Variants in PRMT7 observed in about 807,000 individuals in gnomAD.
PRMT7 encodes protein arginine N-methyltransferase 7.
In PRMT7, 75 loss-of-function variants were observed where a neutral mutation model predicts 85.4. The ratio of observed to expected loss-of-function variants is 0.88; its 90% CI spans 0.73 to 1.06. The LOEUF (loss-of-function observed/expected upper bound fraction) is 1.06. Ranked by LOEUF, PRMT7 falls within the 50% of genes least tolerant of loss-of-function variation. The pLI, the probability that PRMT7 is intolerant of heterozygous loss-of-function variation, is 0.00. For missense variants in PRMT7, 868 were observed against 915.2 expected, an observed-to-expected ratio of 0.95 and a Z score of 0.67; for synonymous variants, 397 against 359.5, an observed-to-expected ratio of 1.10 and a Z score of -1.18.
intron 13 of PRMT7, 28 bp from the exon 14 acceptor site, chr16:68,348,314 A>C: frequency 1.3e-6 from 2 of 1,511,850 alleles, no homozygotes; most frequent in East Asian, 4.5e-5. Context: ...TAGTATGAAT[A>C]CAGTAATTTT....
chr16:68,330,985 T>C (rs2083805008), intron 6 of PRMT7, among the ~76,000 whole-genome samples: 1 of 152,218 alleles, frequency 6.6e-6, no homozygotes, highest in South Asian at 2.1e-4. Context: ...ATTAAATGAA[T>C]ATCCATTTTC....
intron 3 of PRMT7, among the ~76,000 whole-genome samples, chr16:68,320,940 C>G (rs997766357): frequency 6.6e-6 from 1 of 152,058 alleles, no homozygotes; most frequent in Non-Finnish European, 1.5e-5. Context: ...GCACTACAGC[C>G]TGGGTGACAT....
chr16:68,341,712 C>G (rs1455654056), intron 9 of PRMT7, among the ~76,000 whole-genome samples: 2 of 152,068 alleles, frequency 1.3e-5, no homozygotes, highest in Non-Finnish European at 2.9e-5. Flanking sequence ...CCGGCTCAGG[C>G]TAGGGTTTTT....
intron 6 of PRMT7, among the ~76,000 whole-genome samples, chr16:68,331,404 T>A (rs2083877037): frequency 6.6e-6 from 1 of 152,158 alleles, no homozygotes; most frequent in African/African-American, 2.4e-5. Flanking sequence ...GATCTTTTCT[T>A]TTGCAGCATC....
intron 14 of PRMT7, 105 bp downstream of exon 14, chr16:68,348,536 C>G: frequency 6.0e-6 from 5 of 829,402 alleles, no homozygotes; most frequent in Non-Finnish European, 9.4e-6. Flanking sequence ...CACAGTGGGT[C>G]CTCCACATGC....
chr16:68,352,189 TAAC>T, intron 14 of PRMT7, 56 bp from the exon 15 acceptor site: 2 of 1,549,158 alleles, frequency 1.3e-6, no homozygotes, highest in Non-Finnish European at 1.8e-6. Context: ...GTGTTCCTGT[TAAC>T]ACTCCTGGAC....
intron 4 of PRMT7, chr16:68,324,389 C>T (rs953189727): frequency 7.3e-6 from 3 of 409,272 alleles, no homozygotes; most frequent in African/African-American, 6.2e-5. Context: ...CTCTTGGTCC[C>T]CCTTTTGGCT....
At chr16:68,353,379 T>TG in intron 15 of PRMT7, 113 bp from the exon 16 acceptor site, 1 of 1,554,874 alleles carries the variant, frequency 6.4e-7, no homozygotes, top group Non-Finnish European at 8.6e-7. Context: ...CCTTCATACT[T>TG]GGGGGTCTCT....
At chr16:68,360,016 G>C (rs1490316687), downstream of PRMT7, 1 of 152,928 alleles carries the variant, frequency 6.5e-6, no homozygotes, top group Non-Finnish European at 1.5e-5. Context: ...TGAGGGCCAG[G>C]CTGCTCTCTG....
intron 6 of PRMT7, among the ~76,000 whole-genome samples, chr16:68,333,136 G>GC (rs1297248032): frequency 6.6e-6 from 1 of 151,896 alleles, no homozygotes; most frequent in African/African-American, 2.4e-5. Flanking sequence ...GGGACCACAG[G>GC]CAGGCGCCAC....
intron 2 of PRMT7, among the ~76,000 whole-genome samples, chr16:68,313,099 A>G (rs1432471800): frequency 1.3e-5 from 2 of 152,218 alleles, no homozygotes; most frequent in Non-Finnish European, 2.9e-5. Flanking sequence ...TGCTGGGATT[A>G]TAGGCGTGAG....
At chr16:68,353,862 CCTT>C (rs1223858711) in intron 16 of PRMT7, among the ~76,000 whole-genome samples, 1 of 152,318 alleles carries the variant, frequency 6.6e-6, no homozygotes, top group East Asian at 1.9e-4. Context: ...CATCTGGGAA[CCTT>C]CTTAGGCAGC....
In PRMT7 at chr16:68,329,914, G is replaced by A. The variant is rs574764399; in HGVS notation, c.391+740G>A. ...ACACACACACATATTTTTTTTTTGA[G>A]ACGGAATCTCACTGTGTCACCCAGG... On this transcript the variant is annotated intron_variant, in intron 6 of 18. Transcript: ENST00000441236. Among the ~76,000 whole-genome samples the A allele has an allele frequency of 3.1e-4, 44 of 140,738 alleles. 1 individual carries two copies. In the South Asian group the frequency reaches 9.5e-3, roughly 30 times the overall value. 92.3% of individuals were successfully genotyped at this position (140,738 alleles called of 152,430 possible). A position where few individuals can be genotyped will look rare whatever the true frequency, so the allele number is the denominator to read the frequency against.
chr16:68,331,083 A>AT (rs1477108935), intron 6 of PRMT7, among the ~76,000 whole-genome samples: 1 of 152,172 alleles, frequency 6.6e-6, no homozygotes, highest in Non-Finnish European at 1.5e-5. Context: ...GCCCAAAGAG[A>AT]TTCCTCATAA....
At chr16:68,354,214 C>T (rs1469151724) in intron 16 of PRMT7, 12 of 152,178 alleles carry the variant, frequency 7.9e-5, no homozygotes, top group African/African-American at 2.9e-4. Context: ...CCTGTCTCGA[C>T]AAAAAATAAC....
intron 18 of PRMT7, 24 bp from the exon 19 acceptor site, chr16:68,357,030 A>G: frequency 1.9e-6 from 3 of 1,584,996 alleles, no homozygotes; most frequent in Non-Finnish European, 2.6e-6. Flanking sequence ...AGCCCTCACC[A>G]TCTTCCTGCT....
intron 9 of PRMT7, among the ~76,000 whole-genome samples, chr16:68,340,346 TAGAA>T (rs2085322914): frequency 6.6e-6 from 1 of 152,018 alleles, no homozygotes; most frequent in Admixed American, 6.6e-5. Flanking sequence ...TCCACCCCGA[TAGAA>T]AGTAGGCAGA....
At chr16:68,346,403 T>G in intron 11 of PRMT7, 123 bp downstream of exon 11, 1 of 1,396,552 alleles carries the variant, frequency 7.2e-7, no homozygotes, top group Non-Finnish European at 9.7e-7. Flanking sequence ...ATGAGTGGCT[T>G]CAGCGAGCGC....
chr16:68,354,047 A>T (rs919545031), intron 16 of PRMT7, among the ~76,000 whole-genome samples: 19 of 152,116 alleles, frequency 1.2e-4, no homozygotes, highest in Non-Finnish European at 2.5e-4. Flanking sequence ...GTCGTGTTCC[A>T]TCCACATGAG....
Sources: allele counts gnomAD v4.1 joint callset (sites outside exome capture counted in the v4.1 genomes callset), GRCh38; gene constraint gnomAD v4.1.1; transcripts MANE v1.5; gene names NCBI Gene and HGNC (gene_info 2026-07-23, HGNC 2026-07-21).